POU6F2: variants seen among roughly 807,000 people sequenced by gnomAD.
POU6F2 encodes the protein POU domain, class 6, transcription factor 2.
Under a neutral mutation model 71.3 loss-of-function variants are expected in POU6F2, and 31 were observed. The observed-to-expected ratio is 0.43, with a 90% CI of 0.33 to 0.59. The LOEUF is 0.59. POU6F2 is among the 20% of genes least tolerant of loss of function. The probability of loss-of-function intolerance (pLI) is 0.04; values close to 1 mark genes in which losing one functional copy is unlikely to be tolerated. For synonymous variants in POU6F2, 347 were observed against 355.7 expected (o/e 0.98, Z 0.27); for missense variants, 783 against 856.8 (o/e 0.91, Z 1.07).
At chr7:39,428,317 C>T (rs1360589311) in intron 6 of POU6F2, among the ~76,000 whole-genome samples, 2 of 152,178 alleles carry the variant, frequency 1.3e-5, no homozygotes, top group East Asian at 3.8e-4. Flanking sequence ...TGGACATTCA[C>T]AGCAACAACC....
chr7:39,201,146 C>A (rs531475864), intron 2 of POU6F2, among the ~76,000 whole-genome samples: 41 of 152,334 alleles, frequency 2.7e-4, no homozygotes, highest in Admixed American at 1.8e-3. Flanking sequence ...TTCATTTAAT[C>A]TTCACAACAG....
intron 1 of POU6F2, among the ~76,000 whole-genome samples, chr7:39,071,313 C>A (rs1451983644): frequency 1.3e-5 from 2 of 151,688 alleles, no homozygotes; most frequent in Non-Finnish European, 2.9e-5. Flanking sequence ...ACCAGTGATC[C>A]GACAGGAGGC....
intron 1 of POU6F2, among the ~76,000 whole-genome samples, chr7:38,981,581 TGCTGGGAGTGAGAGAGAGACA>T (rs1435304672): frequency 6.6e-6 from 1 of 152,186 alleles, no homozygotes; most frequent in Admixed American, 6.5e-5. Context: ...TCTAAGAGTT[TGCTGGGAGTGAGAGAGAGACA>T]GCTGGATAAA....
chr7:39,255,929 A>G (rs771089179), intron 4 of POU6F2, among the ~76,000 whole-genome samples: 16 of 152,190 alleles, frequency 1.1e-4, no homozygotes, highest in Non-Finnish European at 2.2e-4. Context: ...CCTGCCTAGA[A>G]GTTTGCTGAA....
chr7:39,338,929 G>A (rs1476696339), intron 4 of POU6F2, among the ~76,000 whole-genome samples: 1 of 152,128 alleles, frequency 6.6e-6, no homozygotes, highest in Non-Finnish European at 1.5e-5. Flanking sequence ...CCTGTCCTCA[G>A]GTGCTGATGT....
chr7:39,301,429 T>G, intron 4 of POU6F2, among the ~76,000 whole-genome samples: 1 of 152,238 alleles, frequency 6.6e-6, no homozygotes, highest in Non-Finnish European at 1.5e-5. Flanking sequence ...TGTAGCTCGT[T>G]GTCATCCACA....
At chr7:39,239,520 A>C (rs995515199) in intron 4 of POU6F2, among the ~76,000 whole-genome samples, 1 of 152,160 alleles carries the variant, frequency 6.6e-6, no homozygotes, top group African/African-American at 2.4e-5. Context: ...GAGTATTATT[A>C]ATATGTGGTA....
At chr7:39,095,517 C>T (rs1268371249) in intron 2 of POU6F2, among the ~76,000 whole-genome samples, 1 of 152,098 alleles carries the variant, frequency 6.6e-6, no homozygotes, top group African/African-American at 2.4e-5. Context: ...GGTGGCTACA[C>T]GTCTTGTCAT....
chr7:39,085,081 T>C (rs1791208915), intron 1 of POU6F2: 1 of 152,210 alleles, frequency 6.6e-6, no homozygotes, highest in African/African-American at 2.4e-5. Context: ...TTTTCTTTAA[T>C]GCTCTGGGTG....
intron 2 of POU6F2, among the ~76,000 whole-genome samples, chr7:39,157,751 C>T (rs943192947): frequency 1.8e-4 from 28 of 152,162 alleles, no homozygotes; most frequent in African/African-American, 6.5e-4. Context: ...TGCACAACTG[C>T]AGATAATCAA....
At chr7:39,127,516 G>T (rs1332508337) in intron 2 of POU6F2, among the ~76,000 whole-genome samples, 1 of 152,142 alleles carries the variant, frequency 6.6e-6, no homozygotes, top group Non-Finnish European at 1.5e-5. Context: ...TCCTACTGGG[G>T]GAGACAGGAA....
chr7:38,996,971 G>C (rs1213844559), intron 1 of POU6F2, among the ~76,000 whole-genome samples: 1 of 152,068 alleles, frequency 6.6e-6, no homozygotes, highest in Non-Finnish European at 1.5e-5. Flanking sequence ...TGTTCCTCTT[G>C]CCTGAATTAT....
intron 2 of POU6F2, among the ~76,000 whole-genome samples, chr7:39,141,227 T>G (rs566806518): frequency 1.8e-4 from 27 of 152,340 alleles, no homozygotes; most frequent in African/African-American, 6.3e-4. Flanking sequence ...TTATTGATTA[T>G]CAATACAAAA....
At chr7:39,118,708 G>T (rs1165173004) in intron 2 of POU6F2, among the ~76,000 whole-genome samples, 3 of 151,970 alleles carry the variant, frequency 2.0e-5, no homozygotes. Flanking sequence ...AAATGAGAAA[G>T]GGAGGAATTA....
At chr7:39,036,692 A>G (rs1790072666) in intron 1 of POU6F2, among the ~76,000 whole-genome samples, 1 of 151,908 alleles carries the variant, frequency 6.6e-6, no homozygotes, top group African/African-American at 2.4e-5. Context: ...TATGTCTTAT[A>G]CTCCAAGAAG....
intron 2 of POU6F2, among the ~76,000 whole-genome samples, chr7:39,162,202 A>T (rs962034055): frequency 1.3e-5 from 2 of 152,210 alleles, no homozygotes; most frequent in African/African-American, 4.8e-5. Context: ...AAATGAAGCC[A>T]TGTGATAGAA....
intron 1 of POU6F2, among the ~76,000 whole-genome samples, chr7:39,061,194 A>G (rs1444053394): frequency 6.6e-6 from 1 of 152,212 alleles, no homozygotes; most frequent in Admixed American, 6.5e-5. Flanking sequence ...ACATTTTAAT[A>G]GGATTTCACA....
At chr7:39,111,601 T>G (rs2128725619) in intron 2 of POU6F2, among the ~76,000 whole-genome samples, 1 of 152,020 alleles carries the variant, frequency 6.6e-6, no homozygotes, top group Admixed American at 6.6e-5. Flanking sequence ...TTAAATACAT[T>G]AGATATAGGT....
chr7:39,451,543 C>T lies in POU6F2; in HGVS notation c.1331C>T (p.Pro444Leu). 6.2e-7 allele frequency: 1 copy of T among 1,612,526 alleles called. No homozygotes were observed. Reference sequence around the variant, plus strand: ...CATCCCCTCATGTAGCTCCACCAACCCTCCCAGACGTCAGTGGGTCAAGCA... The same window carrying T: ...CATCCCCTCATGTAGCTCCACCAACTCTCCCAGACGTCAGTGGGTCAAGCA... ...PIKPGQQLHQ[P>L]SQTSVGQAAS... The change falls in exon 8 of 10, where the codon CCC (proline) becomes CTC (leucine). Residue 444 changes from proline to leucine, a missense_variant. Transcript: ENST00000518318.
Sources: allele counts gnomAD v4.1 joint callset (sites outside exome capture counted in the v4.1 genomes callset), GRCh38; gene constraint gnomAD v4.1.1; transcripts MANE v1.5; gene names NCBI Gene and HGNC (gene_info 2026-07-23, HGNC 2026-07-21).